The following SLC16A12 variants were observed in gnomAD, a reference collection of about 807,000 sequenced individuals.
SLC16A12 encodes the protein monocarboxylate transporter 12.
SLC16A12 carries 17 observed loss-of-function variants against 42.4 expected under a neutral mutation model. The ratio of observed to expected loss-of-function variants is 0.40; its 90% CI spans 0.27 to 0.60. The LOEUF is 0.60. Among genes scored for constraint, SLC16A12 ranks in the 20% least tolerant of loss-of-function variants. The probability of loss-of-function intolerance (pLI) is 0.42; values close to 1 mark genes in which losing one functional copy is unlikely to be tolerated. For missense variants in SLC16A12, 544 were observed against 623.0 expected (o/e 0.87, Z 1.35); for synonymous variants, 224 against 229.4 (o/e 0.98, Z 0.21).
chr10:89,522,519 A>C (rs1843373033), intron 2 of SLC16A12, among the ~76,000 whole-genome samples: 1 of 152,188 alleles, frequency 6.6e-6, no homozygotes, highest in Non-Finnish European at 1.5e-5. Flanking sequence ...ACTAGAGGAA[A>C]TCTCTCAATC....
chr10:89,440,033 T>G (rs559422431), intron 5 of SLC16A12, among the ~76,000 whole-genome samples: 1 of 120,912 alleles, frequency 8.3e-6, no homozygotes, highest in Admixed American at 1.1e-4. Context: ...ATTGCGCCAC[T>G]GCACTCCAGC....
At chr10:89,541,971 A>G (rs964681179) in intron 2 of SLC16A12, among the ~76,000 whole-genome samples, 1 of 152,170 alleles carries the variant, frequency 6.6e-6, no homozygotes, top group Non-Finnish European at 1.5e-5. Context: ...AAGGATTGTG[A>G]GGAAATTTAT....
intron 4 of SLC16A12, 105 bp from the exon 5 acceptor site, chr10:89,441,356 C>T: frequency 1.4e-6 from 2 of 1,394,012 alleles, no homozygotes; most frequent in South Asian, 2.4e-5. Context: ...GCATTGAGCC[C>T]ACCCTATTAA....
At chr10:89,463,364 G>A (rs1207132808) in intron 2 of SLC16A12, among the ~76,000 whole-genome samples, 1 of 151,928 alleles carries the variant, frequency 6.6e-6, no homozygotes, top group Non-Finnish European at 1.5e-5. Context: ...AGAGAGCCCA[G>A]AAGCTAGTAT....
intron 2 of SLC16A12, among the ~76,000 whole-genome samples, chr10:89,507,573 A>G (rs542891134): frequency 6.6e-6 from 1 of 152,382 alleles, no homozygotes; most frequent in East Asian, 1.9e-4. Context: ...GAGCTCCTGA[A>G]GGAAGCACTA....
rs1166135151 is a variant in SLC16A12, at chr10:89,430,870, A to T, written c.*2194T>A. The T allele has an allele frequency of 2.7e-6, 1 of 367,724 alleles. No homozygotes were observed. The highest frequency in any genetic ancestry group is 2.2e-5 in the African/African-American group (1 of 46,454). The allele number at this position is 367,724 out of a possible 1,614,324, so 22.8% of individuals were successfully genotyped here. ...TGTGATCATGATAAAAAATATGTAT[A>T]AGAATATTTGTAACTATTCATATTT... On this transcript the variant is annotated 3_prime_UTR_variant, in exon 8 of 8. Transcript: ENST00000371790.
intron 6 of SLC16A12, among the ~76,000 whole-genome samples, chr10:89,436,914 A>AAGAAAGAAAGAAAG (rs796398100): frequency 1.4e-3 from 187 of 136,562 alleles, no homozygotes; most frequent in African/African-American, 5.0e-3. Context: ...GAAAGAAAGA[A>AAGAAAGAAAGAAAG]AAAGAAAGAG....
chr10:89,475,543 T>C (rs1188500759), intron 2 of SLC16A12, among the ~76,000 whole-genome samples: 1 of 152,204 alleles, frequency 6.6e-6, no homozygotes, highest in African/African-American at 2.4e-5. Flanking sequence ...ATGTTCTAGG[T>C]GAAGAGAGAC....
intron 2 of SLC16A12, among the ~76,000 whole-genome samples, chr10:89,504,991 C>A (rs1054273070): frequency 1.3e-5 from 2 of 152,038 alleles, no homozygotes; most frequent in African/African-American, 2.4e-5. Context: ...GCAGACAGAG[C>A]AAATGGGGGT....
chr10:89,447,261 C>G (rs375797148), intron 3 of SLC16A12, among the ~76,000 whole-genome samples: 2 of 152,262 alleles, frequency 1.3e-5, no homozygotes, highest in Middle Eastern at 3.4e-3. Context: ...GCAGACCTAA[C>G]AGACATCTAC....
At chr10:89,444,290 G>A (rs951067936) in intron 3 of SLC16A12, among the ~76,000 whole-genome samples, 1 of 152,056 alleles carries the variant, frequency 6.6e-6, no homozygotes, top group Non-Finnish European at 1.5e-5. Flanking sequence ...ATAGATAAAA[G>A]GATATATTCT....
chr10:89,440,059 G>C (rs970898061), intron 5 of SLC16A12, among the ~76,000 whole-genome samples: 5 of 100,288 alleles, frequency 5.0e-5, no homozygotes, highest in Admixed American at 1.6e-4. Context: ...GACCGAGCCA[G>C]ATAGACCCTG....
chr10:89,536,881 AG>A (rs1343451932), upstream of SLC16A12, among the ~76,000 whole-genome samples: 2 of 152,210 alleles, frequency 1.3e-5, no homozygotes, highest in Non-Finnish European at 2.9e-5. Context: ...TCTGTCGCCC[AG>A]GCTGGAGTGC....
intron 2 of SLC16A12, among the ~76,000 whole-genome samples, chr10:89,471,197 C>T (rs1211999319): frequency 1.3e-5 from 2 of 152,162 alleles, no homozygotes; most frequent in African/African-American, 4.8e-5. Flanking sequence ...TTACAACCAC[C>T]ACAATCAAGA....
chr10:89,510,083 G>A (rs949475874), intron 2 of SLC16A12, among the ~76,000 whole-genome samples: 3 of 152,180 alleles, frequency 2.0e-5, no homozygotes, highest in African/African-American at 7.2e-5. Context: ...TGAAATAAAA[G>A]AGGACACAAA....
chr10:89,489,406 C>G (rs1842813463), intron 2 of SLC16A12, among the ~76,000 whole-genome samples: 1 of 152,074 alleles, frequency 6.6e-6, no homozygotes, highest in Non-Finnish European at 1.5e-5. Context: ...ATGGCGAGAT[C>G]TAGGCTCACT....
At chr10:89,495,348 G>A (rs908160042) in intron 2 of SLC16A12, among the ~76,000 whole-genome samples, 13 of 152,012 alleles carry the variant, frequency 8.6e-5, no homozygotes, top group African/African-American at 2.4e-4. Context: ...GCAAGACTCC[G>A]TCTCTCAAAA....
At chr10:89,488,529 C>T (rs1218194042) in intron 2 of SLC16A12, among the ~76,000 whole-genome samples, 1 of 152,166 alleles carries the variant, frequency 6.6e-6, no homozygotes, top group Non-Finnish European at 1.5e-5. Context: ...GCCTCACACT[C>T]TAATTGATAG....
intron 2 of SLC16A12, among the ~76,000 whole-genome samples, chr10:89,488,882 A>C (rs568404124): frequency 1.3e-5 from 2 of 152,336 alleles, no homozygotes; most frequent in African/African-American, 4.8e-5. Context: ...GTTGTATGAC[A>C]AGAGTCAAAA....
Sources: allele counts gnomAD v4.1 joint callset (sites outside exome capture counted in the v4.1 genomes callset), GRCh38; gene constraint gnomAD v4.1.1; transcripts MANE v1.5; gene names NCBI Gene and HGNC (gene_info 2026-07-23, HGNC 2026-07-21).